PKIB: variants seen among roughly 807,000 people sequenced by gnomAD.
PKIB encodes the protein cAMP-dependent protein kinase inhibitor beta.
PKIB carries 2 observed loss-of-function variants against 4.5 expected under a neutral mutation model. The ratio of observed to expected loss-of-function variants is 0.44; its 90% CI spans 0.18 to 1.39. PKIB has a LOEUF of 1.39. Ranked by LOEUF, PKIB falls within the 40% of genes most tolerant of loss-of-function variation. The pLI, the probability that PKIB is intolerant of heterozygous loss-of-function variation, is 0.27. For missense variants in PKIB, 94 were observed against 92.6 expected, an observed-to-expected ratio of 1.02 and a Z score of -0.06; for synonymous variants, 38 against 36.0, an observed-to-expected ratio of 1.06 and a Z score of -0.20.
intron 2 of PKIB, among the ~76,000 whole-genome samples, chr6:122,537,324 A>T (rs1046468648): frequency 1.2e-4 from 18 of 151,374 alleles, no homozygotes; most frequent in African/African-American, 4.4e-4. Context: ...CCCTCCCTGC[A>T]CCCCACAACA....
At chr6:122,613,042 C>T (rs986405214) in intron 1 of PKIB, among the ~76,000 whole-genome samples, 2 of 152,036 alleles carry the variant, frequency 1.3e-5, no homozygotes, top group African/African-American at 2.4e-5. Context: ...AAAAAAATGT[C>T]GCAATATTTC....
intron 2 of PKIB, among the ~76,000 whole-genome samples, chr6:122,637,802 AAGTTCT>A (rs1449859296): frequency 2.6e-5 from 4 of 151,946 alleles, no homozygotes; most frequent in African/African-American, 9.7e-5. Context: ...AATAAAGATG[AAGTTCT>A]AGTAAAGACC....
At chr6:122,686,960 T>A (rs1311998517) in intron 3 of PKIB, among the ~76,000 whole-genome samples, 1 of 152,192 alleles carries the variant, frequency 6.6e-6, no homozygotes, top group African/African-American at 2.4e-5. Flanking sequence ...TGAAGAAGCT[T>A]TTTAACCTGA....
chr6:122,660,787 A>T (rs967222867), intron 2 of PKIB, among the ~76,000 whole-genome samples: 1 of 152,190 alleles, frequency 6.6e-6, no homozygotes, highest in Non-Finnish European at 1.5e-5. Context: ...TTTCTTCAAG[A>T]TAACATACTT....
intron 1 of PKIB, among the ~76,000 whole-genome samples, chr6:122,613,311 A>G (rs1562270057): frequency 6.6e-6 from 1 of 152,236 alleles, no homozygotes; most frequent in African/African-American, 2.4e-5. Context: ...AAAATAAACT[A>G]TACGTCTTGT....
intron 2 of PKIB, among the ~76,000 whole-genome samples, chr6:122,489,951 G>C (rs748082683): frequency 6.6e-6 from 1 of 151,934 alleles, no homozygotes; most frequent in Admixed American, 6.6e-5. Flanking sequence ...TTATCACCAG[G>C]GATTCTTGTT....
chr6:122,522,782 A>T (rs2114603087), intron 2 of PKIB, among the ~76,000 whole-genome samples: 1 of 152,170 alleles, frequency 6.6e-6, no homozygotes, highest in African/African-American at 2.4e-5. Flanking sequence ...CAGGTATCTC[A>T]GTTGGAAATG....
chr6:122,507,004 A>G (rs1776429342), intron 2 of PKIB, among the ~76,000 whole-genome samples: 1 of 152,038 alleles, frequency 6.6e-6, no homozygotes, highest in Non-Finnish European at 1.5e-5. Flanking sequence ...CCCGGCCGTA[A>G]TTTTTTAAAA....
chr6:122,517,008 C>CA (rs1429915297), intron 2 of PKIB, among the ~76,000 whole-genome samples: 1 of 152,140 alleles, frequency 6.6e-6, no homozygotes, highest in Non-Finnish European at 1.5e-5. Flanking sequence ...ATGTATGGAT[C>CA]ATTTGAATCA....
intron 2 of PKIB, among the ~76,000 whole-genome samples, chr6:122,570,506 A>T (rs1458716054): frequency 6.6e-6 from 1 of 152,240 alleles, no homozygotes; most frequent in Non-Finnish European, 1.5e-5. Context: ...TGGGAGAATG[A>T]GATAAGCTTC....
At chr6:122,660,409 C>A (rs555025736) in intron 2 of PKIB, among the ~76,000 whole-genome samples, 6 of 152,306 alleles carry the variant, frequency 3.9e-5, no homozygotes, top group Middle Eastern at 3.4e-3. Context: ...AAGAGTTAAA[C>A]GTATTCTCCT....
At chr6:122,671,164 C>T (rs1376386129) in intron 2 of PKIB, among the ~76,000 whole-genome samples, 3 of 151,820 alleles carry the variant, frequency 2.0e-5, no homozygotes, top group Non-Finnish European at 4.4e-5. Context: ...TGGTGGTGGG[C>T]ACCTGTAATC....
At chr6:122,580,644 C>T (rs973907363) in intron 2 of PKIB, among the ~76,000 whole-genome samples, 1 of 152,034 alleles carries the variant, frequency 6.6e-6, no homozygotes, top group African/African-American at 2.4e-5. Flanking sequence ...CTGGTTTTAT[C>T]CTGTATCATA....
intron 2 of PKIB, among the ~76,000 whole-genome samples, chr6:122,654,742 T>C (rs576379465): frequency 6.6e-6 from 1 of 152,336 alleles, no homozygotes; most frequent in African/African-American, 2.4e-5. Context: ...TCATAACCTG[T>C]CTGAATATAT....
At chr6:122,502,975 A>G (rs1228440131) in intron 2 of PKIB, among the ~76,000 whole-genome samples, 1 of 152,224 alleles carries the variant, frequency 6.6e-6, no homozygotes, top group Non-Finnish European at 1.5e-5. Context: ...GAGCCTGGGA[A>G]GTCCAAGATC....
At chr6:122,708,183 G>T (rs1779137423) in intron 3 of PKIB, among the ~76,000 whole-genome samples, 1 of 152,106 alleles carries the variant, frequency 6.6e-6, no homozygotes, top group African/African-American at 2.4e-5. Flanking sequence ...GCTAGTAAGT[G>T]CTAAGAGAAA....
chr6:122,666,291 T>C (rs1277564641), intron 2 of PKIB, among the ~76,000 whole-genome samples: 2 of 152,216 alleles, frequency 1.3e-5, no homozygotes, highest in Non-Finnish European at 2.9e-5. Context: ...AGGTTACCTA[T>C]GCAGAAGAAG....
intron 1 of PKIB, among the ~76,000 whole-genome samples, chr6:122,625,880 G>A (rs910898945): frequency 1.3e-5 from 2 of 152,090 alleles, no homozygotes; most frequent in African/African-American, 4.8e-5. Context: ...ACCAGCCTGG[G>A]CAACATGGAC....
intron 2 of PKIB, among the ~76,000 whole-genome samples, chr6:122,528,335 C>A (rs1429688350): frequency 6.6e-6 from 1 of 151,996 alleles, no homozygotes; most frequent in Admixed American, 6.6e-5. Context: ...TGTTTTTTAT[C>A]CATTCAGTCA....
Sources: allele counts gnomAD v4.1 joint callset (sites outside exome capture counted in the v4.1 genomes callset), GRCh38; gene constraint gnomAD v4.1.1; transcripts MANE v1.5; gene names NCBI Gene and HGNC (gene_info 2026-07-23, HGNC 2026-07-21).